PSEN1: variants seen among roughly 807,000 people sequenced by gnomAD.
The protein encoded by PSEN1 is presenilin-1.
A neutral mutation model predicts 53.5 loss-of-function variants in PSEN1; 15 were observed. The observed-to-expected ratio is 0.28, with a 90% CI of 0.19 to 0.43. The LOEUF (loss-of-function observed/expected upper bound fraction) is 0.43, where lower values mean the gene tolerates loss of function less well. Ranked by LOEUF, PSEN1 falls within the 20% of genes least tolerant of loss-of-function variation. PSEN1 has a pLI of 1.00. For missense variants in PSEN1, 387 were observed against 571.2 expected (o/e 0.68, Z 3.29); for synonymous variants, 208 against 209.8 (o/e 0.99, Z 0.08).
chr14:73,143,626 A>G (rs1479769651), intron 1 of PSEN1, among the ~76,000 whole-genome samples: 2 of 152,182 alleles, frequency 1.3e-5, no homozygotes, highest in African/African-American at 4.8e-5. Flanking sequence ...TGTCTGAGAA[A>G]GCTCCAGTGT....
intron 3 of PSEN1, among the ~76,000 whole-genome samples, chr14:73,150,214 GCTTATTGATC>G (rs1456755552): frequency 1.3e-5 from 2 of 151,768 alleles, no homozygotes; most frequent in Non-Finnish European, 2.9e-5. Context: ...TGCTTCTATT[GCTTATTGATC>G]CTACACTAAA....
At chr14:73,193,208 G>A (rs1488662422) in intron 7 of PSEN1, among the ~76,000 whole-genome samples, 2 of 152,064 alleles carry the variant, frequency 1.3e-5, no homozygotes, top group African/African-American at 4.8e-5. Flanking sequence ...TACTTAGGAG[G>A]CTGAGGTGGG....
chr14:73,152,012 C>T (rs1594970310), intron 3 of PSEN1, among the ~76,000 whole-genome samples: 3 of 132,534 alleles, frequency 2.3e-5, no homozygotes, highest in African/African-American at 8.7e-5. Context: ...CCCGGGTTCA[C>T]GCCATTCTCC....
At chr14:73,151,684 C>T (rs10135273) in intron 3 of PSEN1, among the ~76,000 whole-genome samples, 5,995 of 151,684 alleles carry the variant, frequency 0.04, 207 homozygotes, top group African/African-American at 0.099. Context: ...CCTGCCACCT[C>T]AGCCTCCCAA....
At chr14:73,198,887 C>T (rs1322434483) in intron 8 of PSEN1, among the ~76,000 whole-genome samples, 3 of 152,162 alleles carry the variant, frequency 2.0e-5, no homozygotes, top group Non-Finnish European at 4.4e-5. Context: ...GATCCACCCA[C>T]CTCAGCCTCC....
At chr14:73,160,200 C>T (rs1897487479) in intron 3 of PSEN1, 1 of 160,694 alleles carries the variant, frequency 6.2e-6, no homozygotes, top group Admixed American at 6.4e-5. Flanking sequence ...AGCATAATGT[C>T]CTCAAGGTTC....
At chr14:73,151,077 A>G (rs886668533) in intron 3 of PSEN1, among the ~76,000 whole-genome samples, 1 of 152,012 alleles carries the variant, frequency 6.6e-6, no homozygotes, top group African/African-American at 2.4e-5. Context: ...AAAAAAAAAA[A>G]CAAAAAAAAA....
chr14:73,151,875 A>ATT (rs1474270819), intron 3 of PSEN1, among the ~76,000 whole-genome samples: 22 of 78,130 alleles, frequency 2.8e-4, no homozygotes, highest in South Asian at 9.1e-4. Flanking sequence ...AACCTAAAAT[A>ATT]TTTTATATAT....
chr14:73,217,044 A>G, intron 10 of PSEN1, 82 bp from the exon 11 acceptor site: 1 of 1,395,604 alleles, frequency 7.2e-7, no homozygotes, highest in Non-Finnish European at 1.0e-6. Flanking sequence ...TGTGGGGTTG[A>G]GTAGGGCAGT....
chr14:73,201,006 G>A (rs931821867), intron 8 of PSEN1, among the ~76,000 whole-genome samples: 4 of 152,080 alleles, frequency 2.6e-5, no homozygotes, highest in Admixed American at 1.3e-4. Context: ...AGCCATGATC[G>A]TGCCACTGCA....
intron 8 of PSEN1, among the ~76,000 whole-genome samples, chr14:73,202,121 T>C (rs1899213723): frequency 2.0e-5 from 3 of 151,894 alleles, no homozygotes; most frequent in Admixed American, 6.6e-5. Context: ...CTCAGCTCAC[T>C]GCAACCTCCA....
intron 3 of PSEN1, among the ~76,000 whole-genome samples, chr14:73,169,856 G>C (rs1463442602): frequency 6.6e-6 from 1 of 152,112 alleles, no homozygotes; most frequent in African/African-American, 2.4e-5. Context: ...ATGTTGGCCA[G>C]GCTGGTCTCA....
At chr14:73,159,143 CT>C (rs1897453201) in intron 3 of PSEN1, among the ~76,000 whole-genome samples, 1 of 149,814 alleles carries the variant, frequency 6.7e-6, no homozygotes, top group Admixed American at 6.7e-5. Context: ...CAGACTGTGG[CT>C]TTTCTTTTTA....
chr14:73,146,832 C>T (rs1408883578), intron 1 of PSEN1, among the ~76,000 whole-genome samples: 3 of 152,074 alleles, frequency 2.0e-5, no homozygotes, highest in Non-Finnish European at 4.4e-5. Context: ...GGTATGTACA[C>T]GGATTTTTGC....
intron 10 of PSEN1, 75 bp from the exon 11 acceptor site, chr14:73,217,051 C>A: frequency 6.9e-7 from 1 of 1,442,368 alleles, no homozygotes; most frequent in Non-Finnish European, 9.8e-7. Flanking sequence ...TTGAGTAGGG[C>A]AGTGATATTT....
At chr14:73,168,362 A>AC (rs1305609532) in intron 3 of PSEN1, 1 of 152,280 alleles carries the variant, frequency 6.6e-6, no homozygotes, top group Non-Finnish European at 1.5e-5. Flanking sequence ...CTCAAAAAAA[A>AC]AAAAACAAAA....
At position 73,195,099 on chromosome 14, in the gene PSEN1, A is replaced by G. The variant is rs1898887125; in HGVS notation, c.769+2235A>G. ...TTGATGGTTTGCAAAGTAACCATCT[A>G]TTCTTGCTTAGCTGTGAGTAAGAAT... On this transcript the variant is annotated intron_variant, in intron 7 of 11. Transcript: ENST00000324501. 3.3e-5 allele frequency among the ~76,000 whole-genome samples: 5 copies of G among 152,320 alleles called. No individual in the cohort carries two copies. The South Asian group carries it at 8.3e-4, about 25-fold the overall frequency.
intron 9 of PSEN1, among the ~76,000 whole-genome samples, 169 bp downstream of exon 9, chr14:73,206,641 A>T (rs901180416): frequency 6.6e-6 from 1 of 152,220 alleles, no homozygotes; most frequent in Non-Finnish European, 1.5e-5. Flanking sequence ...AGGAGTTCAG[A>T]TACTCAAAAC....
rs78132128 is a variant in PSEN1, at chr14:73,181,115, G to A, written c.481-5738G>A. On this transcript the variant is annotated intron_variant, in intron 5 of 11. Transcript: ENST00000324501. ...CAAAGGTTCAATTGTGGGTTTATCC[G>A]TATGAGTAGACTATTATTTTGTCAT... 6.0e-3 allele frequency among the ~76,000 whole-genome samples: 906 copies of A among 152,248 alleles called. 12 individuals carry two copies. Among genetic ancestry groups the A allele is most frequent in the African/African-American group, 0.021 (858 of 41,546 alleles).
Sources: gnomAD v4.1 joint callset for allele counts (sites outside exome capture counted in the v4.1 genomes callset) on GRCh38, gnomAD v4.1.1 for gene constraint, MANE v1.5 for transcripts, NCBI Gene and HGNC (gene_info 2026-07-23, HGNC 2026-07-21) for gene names.